The following EXOC6B variants were observed in gnomAD, a reference collection of about 807,000 sequenced individuals.
EXOC6B encodes SEC15 homolog B.
In EXOC6B, 54 loss-of-function variants were observed where a neutral mutation model predicts 113.5. That is an observed-to-expected ratio of 0.48 (90% CI 0.38 to 0.60). The LOEUF is 0.60. Ranked by LOEUF, EXOC6B falls within the 20% of genes least tolerant of loss-of-function variation. The probability of loss-of-function intolerance (pLI) is 0.00; values close to 1 mark genes in which losing one functional copy is unlikely to be tolerated. For missense variants in EXOC6B, 797 were observed against 977.5 expected, an observed-to-expected ratio of 0.82 and a Z score of 2.46; for synonymous variants, 357 against 339.0, an observed-to-expected ratio of 1.05 and a Z score of -0.58.
chr2:72,514,290 G>A (rs928136545), intron 10 of EXOC6B, among the ~76,000 whole-genome samples: 3 of 151,932 alleles, frequency 2.0e-5, no homozygotes, highest in Non-Finnish European at 2.9e-5. Context: ...TTTGGAAAAA[G>A]TTTGCCAACT....
chr2:72,816,777 A>G (rs781767959), intron 1 of EXOC6B, among the ~76,000 whole-genome samples: 11 of 152,196 alleles, frequency 7.2e-5, no homozygotes, highest in Non-Finnish European at 1.3e-4. Context: ...CTCCCATTTA[A>G]TTTCTCTCTA....
chr2:72,414,110 A>T lies in EXOC6B; in HGVS notation c.1981-34240T>A, dbSNP rs62149291. 6.8e-3 allele frequency among the ~76,000 whole-genome samples: 1,034 copies of T among 152,326 alleles called. 11 individuals are homozygous for T. Among genetic ancestry groups the T allele is most frequent in the Non-Finnish European group, 0.013 (872 of 68,012 alleles). On this transcript the variant is annotated intron_variant, in intron 18 of 21. Coordinates refer to ENST00000272427, the MANE Select transcript of EXOC6B (RefSeq NM_015189.3). ...ATTATATATTCACATATGAAACAGA[A>T]CATATTATTCTTTATATTTTAGCTT...
intron 20 of EXOC6B, among the ~76,000 whole-genome samples, chr2:72,297,608 T>A (rs535280722): frequency 6.6e-6 from 1 of 152,352 alleles, no homozygotes; most frequent in Non-Finnish European, 1.5e-5. Flanking sequence ...AGGGTGTCAA[T>A]TTTAGATCTT....
At chr2:72,527,958 G>A (rs1367022403) in intron 8 of EXOC6B, among the ~76,000 whole-genome samples, 2 of 151,644 alleles carry the variant, frequency 1.3e-5, no homozygotes, top group Non-Finnish European at 1.5e-5. Context: ...TCATTTCCTG[G>A]ATATATGATT....
chr2:72,192,018 TC>T (rs1678870449), intron 20 of EXOC6B, among the ~76,000 whole-genome samples: 3 of 152,304 alleles, frequency 2.0e-5, no homozygotes, highest in South Asian at 4.1e-4. Flanking sequence ...GCCTGCTTGT[TC>T]CTCCTCCTGG....
intron 18 of EXOC6B, among the ~76,000 whole-genome samples, chr2:72,389,992 A>G (rs1692269745): frequency 6.6e-6 from 1 of 151,996 alleles, no homozygotes; most frequent in African/African-American, 2.4e-5. Flanking sequence ...TTACTCCTCC[A>G]TTGAATTGCT....
intron 1 of EXOC6B, among the ~76,000 whole-genome samples, chr2:72,791,328 G>C (rs528880686): frequency 1.3e-5 from 2 of 152,264 alleles, no homozygotes; most frequent in African/African-American, 4.8e-5. Flanking sequence ...AGGACCACTT[G>C]AGCTGTGGAG....
intron 18 of EXOC6B, among the ~76,000 whole-genome samples, chr2:72,395,709 A>G (rs1692686166): frequency 6.6e-6 from 1 of 152,146 alleles, no homozygotes; most frequent in Non-Finnish European, 1.5e-5. Flanking sequence ...ACTTAGGGTC[A>G]AATCTTCACA....
chr2:72,471,469 G>A (rs1216884047), intron 17 of EXOC6B, among the ~76,000 whole-genome samples: 1 of 151,974 alleles, frequency 6.6e-6, no homozygotes, highest in Non-Finnish European at 1.5e-5. Context: ...TTAGTTTAAT[G>A]AGATCCCATT....
intron 19 of EXOC6B, among the ~76,000 whole-genome samples, chr2:72,355,028 TTGAC>T (rs908516280): frequency 1.0e-3 from 158 of 152,310 alleles, no homozygotes; most frequent in African/African-American, 3.7e-3. Flanking sequence ...TTTACATAAA[TTGAC>T]TGAGAGTTGT....
intron 16 of EXOC6B, among the ~76,000 whole-genome samples, chr2:72,489,102 C>T (rs181914237): frequency 1.2e-4 from 18 of 152,260 alleles, no homozygotes; most frequent in Non-Finnish European, 2.1e-4. Flanking sequence ...AACTTACCCT[C>T]GAGGTGCTGC....
intron 20 of EXOC6B, among the ~76,000 whole-genome samples, chr2:72,186,210 G>A (rs1678425685): frequency 6.6e-6 from 1 of 152,190 alleles, no homozygotes; most frequent in Non-Finnish European, 1.5e-5. Context: ...AAACATGTGT[G>A]CATGTGTCTT....
At chr2:72,494,837 C>A (rs1302102262) in intron 15 of EXOC6B, among the ~76,000 whole-genome samples, 1 of 152,102 alleles carries the variant, frequency 6.6e-6, no homozygotes, top group East Asian at 1.9e-4. Flanking sequence ...ACAAATAATA[C>A]ATTAGCCAAA....
At chr2:72,407,004 T>C (rs988067167) in intron 18 of EXOC6B, among the ~76,000 whole-genome samples, 2 of 151,836 alleles carry the variant, frequency 1.3e-5, no homozygotes, top group African/African-American at 4.8e-5. Context: ...AAGAATCAAA[T>C]AGACGCAATA....
intron 1 of EXOC6B, among the ~76,000 whole-genome samples, chr2:72,768,288 C>CTTT (rs200442752): frequency 5.7e-5 from 6 of 105,388 alleles, no homozygotes; most frequent in African/African-American, 1.3e-4. Context: ...AGAATGCAAG[C>CTTT]TTTTTTTTTT....
intron 13 of EXOC6B, among the ~76,000 whole-genome samples, chr2:72,498,202 A>T (rs1700136543): frequency 6.6e-6 from 1 of 152,216 alleles, no homozygotes; most frequent in South Asian, 2.1e-4. Flanking sequence ...CGAAGGAAAC[A>T]AAAAGGCAAA....
intron 1 of EXOC6B, among the ~76,000 whole-genome samples, chr2:72,792,531 A>G (rs1233203024): frequency 6.6e-6 from 1 of 152,194 alleles, no homozygotes; most frequent in Non-Finnish European, 1.5e-5. Context: ...GCAAAAGCCT[A>G]TAGCATCTGC....
At chr2:72,183,954 T>C in intron 21 of EXOC6B, 121 bp downstream of exon 21, 1 of 577,780 alleles carries the variant, frequency 1.7e-6, no homozygotes, top group Non-Finnish European at 3.1e-6. Flanking sequence ...CCAGGGCCTA[T>C]GGCAACTTCC....
chr2:72,665,512 C>A (rs1573583240), intron 6 of EXOC6B, among the ~76,000 whole-genome samples: 2 of 152,162 alleles, frequency 1.3e-5, no homozygotes, highest in East Asian at 3.9e-4. Flanking sequence ...TCAGCAGAAA[C>A]CTTATAAGCC....
Sources: allele counts gnomAD v4.1 joint callset (sites outside exome capture counted in the v4.1 genomes callset), GRCh38; gene constraint gnomAD v4.1.1; transcripts MANE v1.5; gene names NCBI Gene and HGNC (gene_info 2026-07-23, HGNC 2026-07-21).